TENM1: variants seen among roughly 807,000 people sequenced by gnomAD.
TENM1 encodes the protein teneurin-1.
A neutral mutation model predicts 174.8 loss-of-function variants in TENM1; 35 were observed. That is an observed-to-expected ratio of 0.20 (90% confidence interval 0.15 to 0.27). TENM1 has a LOEUF of 0.27. Ranked by LOEUF, TENM1 falls within the 10% of genes least tolerant of loss-of-function variation. TENM1 has a pLI of 1.00. For missense variants in TENM1, 1,633 were observed against 2,130.1 expected (o/e 0.77, Z 4.59); for synonymous variants, 781 against 798.7 (o/e 0.98, Z 0.37).
chrX:124,575,274 C>T (rs966239462), intron 11 of TENM1, among the ~76,000 whole-genome samples: 1 of 111,957 alleles, frequency 8.9e-6, no homozygotes, highest in African/African-American at 3.2e-5. Context: ...AGTATCTCCT[C>T]ATTTTAACAC....
At position 124,660,236 on chromosome X, in the gene TENM1, G is replaced by C. The variant is rs553093113; in HGVS notation, c.1169-6453C>G. Among the ~76,000 whole-genome samples, 3 of 109,954 alleles carry C rather than the reference G, an allele frequency of 2.7e-5. No homozygotes were observed. The East Asian group carries it at 8.5e-4, about 31-fold the overall frequency. ...AAAAAATAGAAAAAATTAGCCAGGCGTGGTGGCGGGTGCCTGTAGTCCCAG... is the reference window on the plus strand; with the variant it reads ...AAAAAATAGAAAAAATTAGCCAGGCCTGGTGGCGGGTGCCTGTAGTCCCAG... On this transcript the variant is annotated intron_variant, in intron 6 of 31. Transcript: ENST00000422452.
chrX:124,437,212 A>G (rs2060852538), intron 23 of TENM1, among the ~76,000 whole-genome samples: 1 of 104,187 alleles, frequency 9.6e-6, no homozygotes, highest in Non-Finnish European at 1.9e-5. Context: ...TTGGCCTCCC[A>G]AAGTGCTGGG....
intron 9 of TENM1, among the ~76,000 whole-genome samples, 197 bp downstream of exon 12, chrX:124,646,512 T>A (rs763086215): frequency 8.2e-4 from 92 of 112,352 alleles, no homozygotes; most frequent in Non-Finnish European, 1.4e-3. Context: ...GAAGTTGGAA[T>A]TAAAAGACGG....
chrX:124,909,346 G>T (rs2057799914), intron 1 of TENM1, among the ~76,000 whole-genome samples: 1 of 111,827 alleles, frequency 8.9e-6, no homozygotes, highest in African/African-American at 3.2e-5. Flanking sequence ...TGTGCAATGT[G>T]AATGTGGCGG....
At chrX:124,470,667 C>T (rs1437688857) in intron 22 of TENM1, among the ~76,000 whole-genome samples, 1 of 111,091 alleles carries the variant, frequency 9.0e-6, no homozygotes, top group African/African-American at 3.3e-5. Context: ...ATATCTTTTA[C>T]TACTGGCCTG....
chrX:125,103,646 G>A, the TENM1 span, among the ~76,000 whole-genome samples: 6 of 112,339 alleles, frequency 5.3e-5, no homozygotes, highest in African/African-American at 1.6e-4. Context: ...CAACTCAACC[G>A]TCTGACTTCC....
chrX:124,602,994 A>G (rs2050064051), intron 11 of TENM1, among the ~76,000 whole-genome samples: 1 of 111,348 alleles, frequency 9.0e-6, no homozygotes, highest in African/African-American at 3.3e-5. Context: ...TTCATAAGAG[A>G]CAGAAAAGGA....
chrX:124,385,611 G>T, intron 29 of TENM1, 66 bp downstream of exon 32: 1 of 1,043,959 alleles, frequency 9.6e-7, no homozygotes, highest in South Asian at 2.5e-5. Flanking sequence ...TCACACTGTG[G>T]TCAGTAAAAA....
At chrX:125,089,190 T>G in the TENM1 span, among the ~76,000 whole-genome samples, 307 of 111,949 alleles carry the variant, frequency 2.7e-3, 1 homozygote, top group African/African-American at 9.4e-3. Flanking sequence ...GAGAGGTTGA[T>G]AAATTTTCGG....
intron 20 of TENM1, among the ~76,000 whole-genome samples, chrX:124,495,427 G>A (rs1376817601): frequency 2.8e-5 from 3 of 108,154 alleles, no homozygotes; most frequent in Non-Finnish European, 5.7e-5. Context: ...TTTGTCAGAT[G>A]AGTAGGTTGC....
intron 1 of TENM1, among the ~76,000 whole-genome samples, chrX:124,920,624 ACAGTTCCAGCTTCCT>A (rs780255890): frequency 9.0e-6 from 1 of 111,085 alleles, no homozygotes; most frequent in South Asian, 3.8e-4. Flanking sequence ...ATTTCCCCCC[ACAGTTCCAGCTTCCT>A]CATACCCTTA....
chrX:125,200,654 T>TGTGTGTGAGAGAGAGAGAGAGA, the TENM1 span, among the ~76,000 whole-genome samples: 2 of 92,421 alleles, frequency 2.2e-5, no homozygotes, highest in African/African-American at 8.4e-5. Flanking sequence ...TGTGTGTGTG[T>TGTGTGTGAGAGAGAGAGAGAGA]GAGAGAGAGA....
At chrX:124,445,430 C>T (rs973694222) in intron 23 of TENM1, among the ~76,000 whole-genome samples, 1 of 111,845 alleles carries the variant, frequency 8.9e-6, no homozygotes, top group Non-Finnish European at 1.9e-5. Flanking sequence ...AGTAAGATTC[C>T]TAGTGGACTA....
chrX:124,958,174 T>C (rs2058605643), intron 1 of TENM1, among the ~76,000 whole-genome samples: 1 of 111,636 alleles, frequency 9.0e-6, no homozygotes, highest in Non-Finnish European at 1.9e-5. Flanking sequence ...TTAGTGTCCA[T>C]CCCTTAATTC....
chrX:125,076,374 T>C, the TENM1 span, among the ~76,000 whole-genome samples: 1 of 111,719 alleles, frequency 9.0e-6, no homozygotes, highest in Non-Finnish European at 1.9e-5. Context: ...TCATGGTAAA[T>C]ATCATGGCTT....
chrX:124,735,864 A>T (rs938721955), intron 4 of TENM1, among the ~76,000 whole-genome samples: 1 of 111,977 alleles, frequency 8.9e-6, no homozygotes, highest in African/African-American at 3.3e-5. Context: ...CTCACTTATA[A>T]CTGGGAGTTA....
chrX:124,610,935 C>T (rs767147270), intron 11 of TENM1, among the ~76,000 whole-genome samples: 22 of 111,111 alleles, frequency 2.0e-4, no homozygotes, highest in Non-Finnish European at 3.4e-4. Context: ...ACTAAAGTCA[C>T]GGGTTACTCA....
At chrX:124,450,496 T>C (rs2061022576) in intron 23 of TENM1, among the ~76,000 whole-genome samples, 1 of 111,926 alleles carries the variant, frequency 8.9e-6, no homozygotes, top group Non-Finnish European at 1.9e-5. Context: ...GAACTGTAAG[T>C]CCAATAAACC....
In TENM1 at chrX:124,891,126, A is replaced by T. The variant is rs367625664; in HGVS notation, c.535+3170T>A. Among the ~76,000 whole-genome samples, 3 of 110,904 alleles carry T rather than the reference A, an allele frequency of 2.7e-5. No individual in the cohort carries two copies. In the South Asian group the frequency reaches 1.2e-3, roughly 43 times the overall value. ...TTGTACTTACGGAGATAGAGAGTAGAAGGATGGTTACCAGGGGCTGAAAAG... is the reference window on the plus strand; with the variant it reads ...TTGTACTTACGGAGATAGAGAGTAGTAGGATGGTTACCAGGGGCTGAAAAG... On this transcript the variant is annotated intron_variant, in intron 3 of 31. Transcript: ENST00000422452.
Sources: allele counts gnomAD v4.1 joint callset (sites outside exome capture counted in the v4.1 genomes callset), GRCh38; gene constraint gnomAD v4.1.1; transcripts MANE v1.5; gene names NCBI Gene and HGNC (gene_info 2026-07-23, HGNC 2026-07-21).